The following FBXL17 variants were observed in gnomAD, a reference collection of about 807,000 sequenced individuals.
FBXL17 encodes the protein F-box/LRR-repeat protein 17.
In FBXL17, 22 loss-of-function variants were observed where a neutral mutation model predicts 66.2. That is an observed-to-expected ratio of 0.33 (90% CI 0.24 to 0.47). The LOEUF (loss-of-function observed/expected upper bound fraction) is 0.47. FBXL17 is among the 20% of genes least tolerant of loss of function. The pLI, the probability that FBXL17 is intolerant of heterozygous loss-of-function variation, is 1.00. For synonymous variants in FBXL17, 474 were observed against 400.5 expected (o/e 1.18, Z -2.19); for missense variants, 878 against 948.2 (o/e 0.93, Z 0.97).
At chr5:107,879,743 C>A in intron 8 of FBXL17, 1 of 985,406 alleles carries the variant, frequency 1.0e-6, no homozygotes, top group Non-Finnish European at 1.2e-6. Flanking sequence ...TGTTCCTAAT[C>A]ACCATTTACA....
In FBXL17 at chr5:108,381,656, G is replaced by A; in HGVS notation, c.36C>T (p.Arg12=). ...AACAGCGAGGCCTCTTCTGGCTCGG[G>A]CGGTTACGCGGCTCCTTCGAGAGAA... The part of the protein sequence containing the change: ...GHLLSKEPRN[R]PSQKRPRCCS... The change falls in exon 1 of 9, where the codon CGC becomes CGT. Residue 12 remains arginine (R), a synonymous_variant. Coordinates refer to ENST00000542267, the MANE Select transcript of FBXL17 (RefSeq NM_001163315.3). 1.4e-6 allele frequency: 2 copies of A among 1,477,022 alleles called. No homozygotes were observed. Among genetic ancestry groups the A allele is most frequent in the South Asian group, 1.3e-5 (1 of 78,608 alleles). 91.5% of individuals were successfully genotyped at this position (1,477,022 alleles called of 1,614,324 possible).
intron 7 of FBXL17, among the ~76,000 whole-genome samples, chr5:107,952,722 C>T (rs1439082996): frequency 1.3e-5 from 2 of 152,160 alleles, no homozygotes; most frequent in East Asian, 1.9e-4. Context: ...CTGAACTATT[C>T]AAACGGCATA....
chr5:108,232,431 T>C (rs1020290529), intron 4 of FBXL17, among the ~76,000 whole-genome samples: 4 of 151,994 alleles, frequency 2.6e-5, no homozygotes, highest in Admixed American at 1.3e-4. Context: ...GTCAACTTGA[T>C]TGAATTGATG....
At chr5:107,899,430 C>T (rs1749493510) in intron 7 of FBXL17, among the ~76,000 whole-genome samples, 1 of 152,056 alleles carries the variant, frequency 6.6e-6, no homozygotes, top group Admixed American at 6.5e-5. Context: ...CAGCCTGAGG[C>T]CAGGAGTTGG....
chr5:108,222,959 C>A (rs1754935849), intron 5 of FBXL17, among the ~76,000 whole-genome samples: 1 of 152,000 alleles, frequency 6.6e-6, no homozygotes, highest in Admixed American at 6.6e-5. Flanking sequence ...CAGGAGTGAT[C>A]CATTGTGCCT....
intron 6 of FBXL17, among the ~76,000 whole-genome samples, chr5:108,036,029 C>T (rs561705688): frequency 2.0e-5 from 3 of 152,134 alleles, no homozygotes; most frequent in Non-Finnish European, 4.4e-5. Context: ...TAAGGCTGTG[C>T]CTGGTATACC....
At chr5:108,102,052 G>A (rs900204487) in intron 6 of FBXL17, among the ~76,000 whole-genome samples, 2 of 152,150 alleles carry the variant, frequency 1.3e-5, no homozygotes, top group Non-Finnish European at 2.9e-5. Context: ...GGGCCCAAGT[G>A]AGATGAGCTG....
intron 6 of FBXL17, among the ~76,000 whole-genome samples, chr5:108,173,454 G>T (rs933494920): frequency 6.6e-6 from 1 of 152,130 alleles, no homozygotes; most frequent in Non-Finnish European, 1.5e-5. Flanking sequence ...ATTTTGTGAT[G>T]TAGTTAATTA....
rs1561572960 is a variant in FBXL17, at chr5:108,381,971, C to T, written c.-280G>A. Reference sequence around the variant, plus strand: ...CGAGGGAGGGAGCGAGCGAGCCTGCCGGCTAGGCGACCAGTCCGGGCCCGG... The same window carrying T: ...CGAGGGAGGGAGCGAGCGAGCCTGCTGGCTAGGCGACCAGTCCGGGCCCGG... On this transcript the variant is annotated 5_prime_UTR_variant, in exon 1 of 9. Coordinates refer to ENST00000542267, the MANE Select transcript of FBXL17 (RefSeq NM_001163315.3). 8.2e-7 allele frequency: 1 copy of T among 1,220,010 alleles called. No individual in the cohort carries two copies. Among genetic ancestry groups the T allele is most frequent in the South Asian group, 3.2e-5 (1 of 30,882 alleles). The allele number at this position is 1,220,010 out of a possible 1,614,324, so 75.6% of individuals were successfully genotyped here.
intron 7 of FBXL17, among the ~76,000 whole-genome samples, chr5:107,901,810 G>C (rs1580697238): frequency 6.6e-6 from 1 of 152,154 alleles, no homozygotes; most frequent in African/African-American, 2.4e-5. Flanking sequence ...CTCCGAGTTG[G>C]GGAGATAATG....
At chr5:107,941,135 C>T (rs1751080205) in intron 7 of FBXL17, among the ~76,000 whole-genome samples, 1 of 149,832 alleles carries the variant, frequency 6.7e-6, no homozygotes, top group Non-Finnish European at 1.5e-5. Context: ...AAAAACCCCA[C>T]ACACTTTTTT....
intron 7 of FBXL17, among the ~76,000 whole-genome samples, chr5:108,001,807 T>C (rs1561361277): frequency 6.6e-6 from 1 of 151,456 alleles, no homozygotes. Flanking sequence ...GCCGGAAAAT[T>C]AGTTTCTTAA....
intron 7 of FBXL17, among the ~76,000 whole-genome samples, chr5:107,907,676 C>A (rs1416785107): frequency 6.6e-6 from 1 of 152,098 alleles, no homozygotes; most frequent in South Asian, 2.1e-4. Context: ...TTTATGCAGC[C>A]AAAAAACACA....
intron 4 of FBXL17, among the ~76,000 whole-genome samples, chr5:108,279,234 G>A (rs576342122): frequency 1.4e-4 from 21 of 152,040 alleles, no homozygotes; most frequent in Non-Finnish European, 2.9e-4. Flanking sequence ...ACACCTAGAG[G>A]CCCAAGAATC....
At chr5:107,999,427 C>CT (rs544384063) in intron 7 of FBXL17, among the ~76,000 whole-genome samples, 107 of 139,116 alleles carry the variant, frequency 7.7e-4, no homozygotes, top group East Asian at 3.8e-3. Context: ...TTGAAATTTA[C>CT]TTTTTTTTTT....
intron 6 of FBXL17, among the ~76,000 whole-genome samples, chr5:108,120,914 A>T (rs552382501): frequency 1.3e-5 from 2 of 152,188 alleles, no homozygotes; most frequent in East Asian, 3.9e-4. Context: ...CACAATATGT[A>T]TTTTTTTTAT....
intron 7 of FBXL17, among the ~76,000 whole-genome samples, chr5:107,998,026 A>C (rs866660288): frequency 5.8e-4 from 89 of 152,350 alleles, no homozygotes; most frequent in Middle Eastern, 6.8e-3. Flanking sequence ...AGCACGGGAA[A>C]CATAGATAGT....
intron 6 of FBXL17, among the ~76,000 whole-genome samples, chr5:108,073,503 G>T (rs1042243002): frequency 4.6e-5 from 7 of 151,822 alleles, no homozygotes; most frequent in African/African-American, 1.7e-4. Flanking sequence ...TACACATGAA[G>T]AAACGAAAAA....
At chr5:107,875,935 T>G (rs1748603128) in intron 8 of FBXL17, among the ~76,000 whole-genome samples, 1 of 152,242 alleles carries the variant, frequency 6.6e-6, no homozygotes, top group Non-Finnish European at 1.5e-5. Flanking sequence ...GCAGCCTCTC[T>G]CATCTTTTCT....
Sources: gnomAD v4.1 joint callset for allele counts (sites outside exome capture counted in the v4.1 genomes callset) on GRCh38, gnomAD v4.1.1 for gene constraint, MANE v1.5 for transcripts, NCBI Gene and HGNC (gene_info 2026-07-23, HGNC 2026-07-21) for gene names.